Variants in TIAM2 observed in about 807,000 individuals in gnomAD.
TIAM2 encodes TIAM Rac1 associated GEF 2.
TIAM2 carries 80 observed loss-of-function variants against 152.9 expected under a neutral mutation model. The observed-to-expected ratio is 0.52, with a 90% confidence interval of 0.44 to 0.63. The LOEUF (loss-of-function observed/expected upper bound fraction) is 0.63, where lower values mean the gene tolerates loss of function less well. Ranked by LOEUF, TIAM2 falls within the 30% of genes least tolerant of loss-of-function variation. The pLI, the probability that TIAM2 is intolerant of heterozygous loss-of-function variation, is 0.00. For synonymous variants in TIAM2, 804 were observed against 838.0 expected, an observed-to-expected ratio of 0.96 and a Z score of 0.70; for missense variants, 1,965 against 2,120.1, an observed-to-expected ratio of 0.93 and a Z score of 1.44.
intron 1 of TIAM2, among the ~76,000 whole-genome samples, chr6:155,016,515 G>GGTAAATTTAAATGTAAATA (rs1357953033): frequency 7.3e-6 from 1 of 137,652 alleles, no homozygotes; most frequent in Non-Finnish European, 1.7e-5. Flanking sequence ...ACATTTAAAT[G>GGTAAATTTAAATGTAAATA]GTATTTACAT....
chr6:155,060,681 AG>A (rs1335463359), intron 1 of TIAM2, among the ~76,000 whole-genome samples: 1 of 152,036 alleles, frequency 6.6e-6, no homozygotes. Flanking sequence ...GGATCACATG[AG>A]GTCAGGAGTT....
intron 2 of TIAM2, among the ~76,000 whole-genome samples, chr6:155,111,690 A>G (rs1267161751): frequency 1.3e-5 from 2 of 152,278 alleles, no homozygotes; most frequent in East Asian, 1.9e-4. Context: ...GACCCATTCT[A>G]GGACATTTTA....
At chr6:155,114,014 T>TTATATATATA (rs1212954021) in intron 2 of TIAM2, among the ~76,000 whole-genome samples, 968 of 58,738 alleles carry the variant, frequency 0.016, 75 homozygotes, top group Non-Finnish European at 0.02. Context: ...ATACTTTACT[T>TTATATATATA]TATATATATA....
At chr6:155,242,002 G>A (rs1364533906) in intron 16 of TIAM2, among the ~76,000 whole-genome samples, 1 of 152,188 alleles carries the variant, frequency 6.6e-6, no homozygotes, top group Non-Finnish European at 1.5e-5. Flanking sequence ...TTCCTGTTAG[G>A]CCACGCTGTA....
At chr6:155,220,878 C>T (rs1339042240) in intron 15 of TIAM2, among the ~76,000 whole-genome samples, 2 of 152,104 alleles carry the variant, frequency 1.3e-5, no homozygotes, top group African/African-American at 4.8e-5. Context: ...AACCCATCAT[C>T]TACCTTAGGT....
intron 14 of TIAM2, among the ~76,000 whole-genome samples, chr6:155,195,712 T>C (rs1016714333): frequency 2.0e-5 from 3 of 152,128 alleles, no homozygotes; most frequent in Non-Finnish European, 4.4e-5. Context: ...CAGTTGTGCA[T>C]AGGGCAGGCC....
At chr6:155,096,015 T>C (rs1383301177) in intron 2 of TIAM2, among the ~76,000 whole-genome samples, 1 of 152,152 alleles carries the variant, frequency 6.6e-6, no homozygotes, top group African/African-American at 2.4e-5. Context: ...ATTGTGTAGG[T>C]TTCTTTTTGG....
At chr6:155,001,376 G>A (rs1778309424) in intron 1 of TIAM2, among the ~76,000 whole-genome samples, 1 of 152,110 alleles carries the variant, frequency 6.6e-6, no homozygotes, top group Non-Finnish European at 1.5e-5. Flanking sequence ...TGACCCAATG[G>A]TTAGCATGCC....
intron 1 of TIAM2, among the ~76,000 whole-genome samples, chr6:155,079,341 C>T (rs949924364): frequency 6.6e-6 from 1 of 152,182 alleles, no homozygotes; most frequent in African/African-American, 2.4e-5. Context: ...GGATTACAGA[C>T]GTGAGCCTCC....
rs897533295 is a variant in TIAM2 at position 155,214,011 on chromosome 6, C to G, written c.3168+2704C>G. ...GTGCAGAGATGTCTGGGTCCACAGTCGCGGCTACGTGGCTGCAGCAGTACC... is the reference window on the plus strand; with the variant it reads ...GTGCAGAGATGTCTGGGTCCACAGTGGCGGCTACGTGGCTGCAGCAGTACC... On this transcript the variant is annotated intron_variant, in intron 15 of 26. Transcript: ENST00000682666. This position sits in a 1 kb window ranked among gnomAD's most constrained non-coding sequence, Gnocchi z 5.4. Among the ~76,000 whole-genome samples the G allele has an allele frequency of 2.0e-5, 3 of 152,216 alleles. No homozygotes were observed. Among genetic ancestry groups the G allele is most frequent in the Non-Finnish European group, 2.9e-5 (2 of 68,038 alleles).
At chr6:155,166,968 A>G (rs1780455848) in intron 9 of TIAM2, among the ~76,000 whole-genome samples, 2 of 152,132 alleles carry the variant, frequency 1.3e-5, no homozygotes, top group Non-Finnish European at 2.9e-5. Flanking sequence ...GTCACATTTT[A>G]TTGGATCTTT....
At chr6:155,225,450 C>T (rs1782209262) in intron 15 of TIAM2, among the ~76,000 whole-genome samples, 1 of 152,134 alleles carries the variant, frequency 6.6e-6, no homozygotes, top group Non-Finnish European at 1.5e-5. Context: ...AGCAGTAATA[C>T]AACGTGAGGC....
intron 1 of TIAM2, among the ~76,000 whole-genome samples, chr6:155,063,260 AT>A (rs1210803615): frequency 1.3e-5 from 2 of 152,170 alleles, no homozygotes; most frequent in Non-Finnish European, 2.9e-5. Context: ...TAAATACTTT[AT>A]TTTTTTCCAC....
intron 9 of TIAM2, among the ~76,000 whole-genome samples, chr6:155,171,682 A>T (rs141075127): frequency 5.3e-5 from 8 of 152,334 alleles, no homozygotes; most frequent in Middle Eastern, 3.4e-3. Flanking sequence ...GTTTAGAGAG[A>T]ATATTAATAC....
intron 1 of TIAM2, among the ~76,000 whole-genome samples, chr6:155,029,879 G>A (rs930558691): frequency 5.3e-5 from 8 of 151,200 alleles, no homozygotes; most frequent in African/African-American, 9.7e-5. Context: ...TGCAACCTCC[G>A]CCTCCCAGAC....
At chr6:155,040,552 T>G (rs533332651) in intron 1 of TIAM2, among the ~76,000 whole-genome samples, 190 of 152,266 alleles carry the variant, frequency 1.2e-3, no homozygotes, top group Non-Finnish European at 2.5e-3. Flanking sequence ...GGAGTCTTGC[T>G]CTCTCTCCTA....
At chr6:155,165,001 G>A (rs1780384461) in intron 8 of TIAM2, among the ~76,000 whole-genome samples, 3 of 152,286 alleles carry the variant, frequency 2.0e-5, no homozygotes, top group Middle Eastern at 6.8e-3. Flanking sequence ...GGTGGCTTCT[G>A]TGTGTTGTGT....
chr6:155,161,824 C>T (rs1057210739), intron 7 of TIAM2, among the ~76,000 whole-genome samples: 1 of 152,104 alleles, frequency 6.6e-6, no homozygotes, highest in Non-Finnish European at 1.5e-5. Context: ...ATGATCTGCC[C>T]GCATCGGCCT....
intron 9 of TIAM2, among the ~76,000 whole-genome samples, chr6:155,168,081 T>C (rs1161827886): frequency 6.6e-6 from 1 of 152,236 alleles, no homozygotes; most frequent in African/African-American, 2.4e-5. Flanking sequence ...TTTATATAAC[T>C]GAATGAAGTT....
Sources: gnomAD v4.1 joint callset for allele counts (sites outside exome capture counted in the v4.1 genomes callset) on GRCh38, gnomAD v4.1.1 for gene constraint, Gnocchi (gnomAD v3.1) non-coding constraint, MANE v1.5 for transcripts, NCBI Gene and HGNC (gene_info 2026-07-23, HGNC 2026-07-21) for gene names.